The following PRKN variants were observed in gnomAD, a reference collection of about 807,000 sequenced individuals.
PRKN encodes parkin RBR E3 ubiquitin protein ligase, also known as E3 ubiquitin-protein ligase parkin.
A neutral mutation model predicts 59.5 loss-of-function variants in PRKN; 56 were observed. The ratio of observed to expected loss-of-function variants is 0.94; its 90% CI spans 0.76 to 1.18. The LOEUF (loss-of-function observed/expected upper bound fraction) is 1.18, where lower values mean the gene tolerates loss of function less well. PRKN is among the 50% of genes most tolerant of loss of function. The pLI is 0.00. For missense variants in PRKN, 657 were observed against 596.4 expected, an observed-to-expected ratio of 1.10 and a Z score of -1.06; for synonymous variants, 250 against 222.1, an observed-to-expected ratio of 1.13 and a Z score of -1.12.
intron 1 of PRKN, among the ~76,000 whole-genome samples, chr6:162,559,903 T>C (rs557782593): frequency 3.3e-5 from 5 of 152,202 alleles, no homozygotes; most frequent in Non-Finnish European, 5.9e-5. Flanking sequence ...TCTAAGGTCC[T>C]AAATTTTTCA....
intron 6 of PRKN, among the ~76,000 whole-genome samples, chr6:161,844,545 G>C (rs1410850103): frequency 6.6e-6 from 1 of 152,192 alleles, no homozygotes; most frequent in Admixed American, 6.5e-5. Flanking sequence ...GCTGCATGTG[G>C]CTGTTGAACC....
At chr6:162,138,916 A>C (rs2128310214) in intron 4 of PRKN, among the ~76,000 whole-genome samples, 1 of 152,318 alleles carries the variant, frequency 6.6e-6, no homozygotes, top group South Asian at 2.1e-4. Context: ...ACACAGGAGA[A>C]ATTGGTGCTG....
At chr6:161,374,631 GA>G (rs1785598500) in intron 10 of PRKN, among the ~76,000 whole-genome samples, 5 of 4,634 alleles carry the variant, frequency 1.1e-3, no homozygotes, top group East Asian at 7.8e-3. Flanking sequence ...TGGCATGTGT[GA>G]TGTATGTGTG....
rs1276028289 is a variant in PRKN at position 161,454,634 on chromosome 6, T to C, written c.1084-67757A>G. On this transcript the variant is annotated intron_variant, in intron 9 of 11. Transcript: ENST00000366898. This position sits in a 1 kb window ranked among gnomAD's most constrained non-coding sequence, Gnocchi z 4.6. ...ATTTTGGGGGAACTTTGCGCCAGCA[T>C]TGTAGTTATACTGAAATTTAGAATA... 6.6e-6 allele frequency among the ~76,000 whole-genome samples: 1 copy of C among 152,204 alleles called. No individual in the cohort carries two copies. Among genetic ancestry groups the C allele is most frequent in the African/African-American group, 2.4e-5 (1 of 41,446 alleles).
At chr6:161,559,128 G>T (rs1225135009) in intron 8 of PRKN, among the ~76,000 whole-genome samples, 27 of 145,424 alleles carry the variant, frequency 1.9e-4, no homozygotes, top group African/African-American at 3.0e-4. Flanking sequence ...GAAGTTTTTG[G>T]TTTTTTTTTT....
At chr6:161,909,123 G>A (rs546165093) in intron 6 of PRKN, among the ~76,000 whole-genome samples, 4 of 152,136 alleles carry the variant, frequency 2.6e-5, no homozygotes, top group Non-Finnish European at 4.4e-5. Flanking sequence ...AACTAAATCC[G>A]CAGGATGCTC....
intron 1 of PRKN, among the ~76,000 whole-genome samples, chr6:162,486,823 A>C (rs1355323359): frequency 1.3e-5 from 2 of 152,160 alleles, no homozygotes; most frequent in African/African-American, 4.8e-5. Flanking sequence ...TAATACCAGC[A>C]TATTGGGAGG....
chr6:161,910,277 C>A (rs1778306875), intron 6 of PRKN, among the ~76,000 whole-genome samples: 1 of 152,092 alleles, frequency 6.6e-6, no homozygotes, highest in Non-Finnish European at 1.5e-5. Context: ...TTTTTTGATA[C>A]AGAGTTTCCC....
intron 4 of PRKN, among the ~76,000 whole-genome samples, chr6:162,115,554 GA>G (rs11320545): frequency 0.42 from 61,106 of 143,916 alleles, 13,339 homozygotes; most frequent in African/African-American, 0.58. Flanking sequence ...TGTTTCCAAA[GA>G]AAAAAAAAAA....
At chr6:162,201,333 G>A in intron 3 of PRKN, 81 bp from the exon 4 acceptor site, 1 of 1,401,766 alleles carries the variant, frequency 7.1e-7, no homozygotes, top group East Asian at 2.3e-5. Context: ...GCTTGTTAGA[G>A]GCAAATTTTA....
chr6:162,207,147 C>T (rs1784982276), intron 3 of PRKN, among the ~76,000 whole-genome samples: 1 of 151,964 alleles, frequency 6.6e-6, no homozygotes, highest in African/African-American at 2.4e-5. Context: ...CCGAGGCAGG[C>T]GGATCACAAG....
intron 3 of PRKN, among the ~76,000 whole-genome samples, chr6:162,253,027 G>A (rs1265127499): frequency 6.6e-6 from 1 of 152,192 alleles, no homozygotes; most frequent in Non-Finnish European, 1.5e-5. Context: ...CCTTCCAGCG[G>A]GCAGCCTACC....
rs1459673846 is a variant in PRKN, at chr6:161,371,732, G to A, written c.1168-11527C>T. 6.6e-6 allele frequency among the ~76,000 whole-genome samples: 1 copy of A among 152,096 alleles called. No individual in the cohort carries two copies. The highest frequency in any genetic ancestry group is 1.5e-5 in the Non-Finnish European group (1 of 68,012). Reference sequence around the variant, plus strand: ...CGGCTCACTACAACCTCCACCTCCTGGGTTCAAGCGATTCTCATGCCTCAG... The same window carrying A: ...CGGCTCACTACAACCTCCACCTCCTAGGTTCAAGCGATTCTCATGCCTCAG... On this transcript the variant is annotated intron_variant, in intron 10 of 11. Transcript: ENST00000366898. The surrounding 1 kb of genome is among the most constrained non-coding windows in gnomAD (Gnocchi z 5.5).
intron 4 of PRKN, among the ~76,000 whole-genome samples, chr6:162,074,282 C>T (rs1316483606): frequency 1.7e-4 from 22 of 126,396 alleles, no homozygotes; most frequent in African/African-American, 6.2e-4. Flanking sequence ...ACATATACAC[C>T]ATGGAATACT....
At chr6:162,255,161 C>T (rs6933795) in intron 3 of PRKN, among the ~76,000 whole-genome samples, 4,063 of 151,962 alleles carry the variant, frequency 0.027, 151 homozygotes, top group African/African-American at 0.072. Flanking sequence ...AGTAACCTGA[C>T]GTCTCCCAAG....
intron 7 of PRKN, among the ~76,000 whole-genome samples, chr6:161,727,228 C>T (rs887651810): frequency 2.6e-5 from 4 of 152,180 alleles, no homozygotes; most frequent in African/African-American, 9.7e-5. Context: ...AACAATCTCA[C>T]ACCTCTCAGC....
chr6:161,827,667 C>T (rs993782288), intron 6 of PRKN, among the ~76,000 whole-genome samples: 3 of 151,700 alleles, frequency 2.0e-5, no homozygotes, highest in Non-Finnish European at 4.4e-5. Flanking sequence ...GCCACCACAC[C>T]GGGCTAATTT....
intron 5 of PRKN, among the ~76,000 whole-genome samples, chr6:162,042,826 A>G (rs535515025): frequency 1.3e-5 from 2 of 152,238 alleles, no homozygotes. Flanking sequence ...GAACATCAGT[A>G]TAAGTTTTAA....
At chr6:162,116,268 T>C (rs891427912) in intron 4 of PRKN, among the ~76,000 whole-genome samples, 2 of 152,190 alleles carry the variant, frequency 1.3e-5, no homozygotes, top group Non-Finnish European at 2.9e-5. Flanking sequence ...CAAGGTGACT[T>C]ATTTAACTGA....
Sources: allele counts gnomAD v4.1 joint callset (sites outside exome capture counted in the v4.1 genomes callset), GRCh38; gene constraint gnomAD v4.1.1; non-coding constraint Gnocchi (gnomAD v3.1); transcripts MANE v1.5; gene names NCBI Gene and HGNC (gene_info 2026-07-23, HGNC 2026-07-21).